The following TKT variants were observed in gnomAD, a reference collection of about 807,000 sequenced individuals.
TKT encodes transketolase, also known as epididymis luminal protein 107.
A neutral mutation model predicts 63.9 loss-of-function variants in TKT; 47 were observed. That is an observed-to-expected ratio of 0.74 (90% CI 0.58 to 0.94). The LOEUF is 0.94. Ranked by LOEUF, TKT falls within the 40% of genes least tolerant of loss-of-function variation. The pLI is 0.00. For missense variants in TKT, 721 were observed against 846.2 expected (o/e 0.85, Z 1.84); for synonymous variants, 338 against 334.1 (o/e 1.01, Z -0.13).
intron 13 of TKT, 108 bp from the exon 14 acceptor site, chr3:53,226,039 G>A (rs1704485350): frequency 1.0e-6 from 1 of 1,004,778 alleles, no homozygotes; most frequent in Non-Finnish European, 1.4e-6. Flanking sequence ...CATATGCACT[G>A]CCTTTCTCCA....
chr3:53,255,130 C>T (rs1219739530), intron 1 of TKT, among the ~76,000 whole-genome samples: 1 of 152,234 alleles, frequency 6.6e-6, no homozygotes, highest in African/African-American at 2.4e-5. Flanking sequence ...CACGTGCCAC[C>T]GCCCTCCTCC....
chr3:53,241,371 G>A (rs1705267660), intron 2 of TKT, 126 bp from the exon 3 acceptor site: 5 of 732,288 alleles, frequency 6.8e-6, no homozygotes, highest in Non-Finnish European at 8.6e-6. Flanking sequence ...TTCAGGGGAG[G>A]AAGCAAGTGA....
chr3:53,228,452 G>C (rs1434901309), intron 10 of TKT, 93 bp from the exon 11 acceptor site: 1 of 1,428,424 alleles, frequency 7.0e-7, no homozygotes, highest in African/African-American at 1.4e-5. Flanking sequence ...CTTCCCATGG[G>C]AGCGTTAGTT....
chr3:53,231,758 T>G, intron 6 of TKT: 1 of 572,654 alleles, frequency 1.7e-6, no homozygotes, highest in East Asian at 2.9e-5. Context: ...CACCACTCAC[T>G]GTCTACTGCC....
intron 6 of TKT, chr3:53,232,076 C>G (rs1177130385): frequency 5.8e-6 from 2 of 342,620 alleles, no homozygotes; most frequent in African/African-American, 4.2e-5. Context: ...CACCCCATGG[C>G]ACCTTGTTGT....
chr3:53,229,383 G>GCTGC lies in TKT; in HGVS notation c.1157_1160dup (p.Ser387ArgfsTer13). On this transcript the variant is annotated frameshift_variant, in exon 9 of 14. Transcript: ENST00000462138. LOFTEE classifies it high-confidence loss of function. ...CCCGCGTGAAGAAGGCTGCAAAAGTGCTGCAGAAGGGCACCGTCCTGTTGC... is the reference window on the plus strand; with the variant it reads ...CCCGCGTGAAGAAGGCTGCAAAAGTGCTGCCTGCAGAAGGGCACCGTCCTGTTGC... The GCTGC allele has an allele frequency of 3.7e-6, 6 of 1,612,912 alleles. No homozygotes were observed. Among genetic ancestry groups the GCTGC allele is most frequent in the Non-Finnish European group, 5.1e-6 (6 of 1,179,476 alleles).
intron 1 of TKT, among the ~76,000 whole-genome samples, chr3:53,255,434 G>C (rs2106742186): frequency 6.6e-6 from 1 of 152,326 alleles, no homozygotes; most frequent in East Asian, 1.9e-4. Flanking sequence ...CACACAGCCA[G>C]GTGGTGGAGA....
intron 1 of TKT, among the ~76,000 whole-genome samples, chr3:53,251,285 T>C (rs144357167): frequency 7.9e-5 from 12 of 152,358 alleles, no homozygotes; most frequent in Non-Finnish European, 1.6e-4. Flanking sequence ...ACTGTTTGGA[T>C]AACACCACAG....
In TKT at chr3:53,242,171, G is replaced by A. The variant is rs782145197; in HGVS notation, c.179C>T (p.Ser60Phe). ...ATTGTGCGGATTCCGGGGGTCCTGG[G>A]ACTTGTAGCGCATGGTGTGGAAAAA... Reference protein sequence around the residue: ...VLFFHTMRYKSQDPRNPHNDR... With the variant: ...VLFFHTMRYKFQDPRNPHNDR... The change falls in exon 2 of 14, where the codon TCC (serine) becomes TTC (phenylalanine). Residue 60 changes from serine (S) to phenylalanine (F), a missense_variant. Coordinates refer to ENST00000462138, the MANE Select transcript of TKT (RefSeq NM_001064.4). 68 of 1,614,062 alleles carry A rather than the reference G, an allele frequency of 4.2e-5. No homozygotes were observed. The highest frequency in any genetic ancestry group is 5.6e-5 in the Non-Finnish European group (66 of 1,180,042).
Position 53,235,082 on chromosome 3 carries a change from T to C in TKT, c.530A>G (p.Asn177Ser), listed in dbSNP as rs1033894205. ...MAFASIYKLD[N>S]LVAILDINRL... ...ATTGATGTCTAGAATGGCCACAAGG[T>C]TGTCCAGCTTATAGATGCTGGCGAA... Residue 177 changes from asparagine to serine, a missense_variant, in exon 5 of 14, where the codon AAC becomes AGC. Asn to Ser is a conservative substitution (Grantham distance 46, BLOSUM62 1). Transcript: ENST00000462138. The C allele has an allele frequency of 6.2e-7, 1 of 1,614,006 alleles. No homozygotes were observed. Among genetic ancestry groups the C allele is most frequent in the African/African-American group, 1.3e-5 (1 of 75,044 alleles).
intron 1 of TKT, among the ~76,000 whole-genome samples, chr3:53,249,076 C>T (rs1363971114): frequency 6.6e-6 from 1 of 151,986 alleles, no homozygotes; most frequent in Non-Finnish European, 1.5e-5. Context: ...AAGCGATTCT[C>T]ATGCCTCAGC....
At position 53,231,549 on chromosome 3, in the gene TKT, C is replaced by T. The variant is rs1553677098; in HGVS notation, c.750G>A (p.Gly250=). 1.1e-5 allele frequency: 17 copies of T among 1,613,092 alleles called. No individual in the cohort carries two copies. The highest frequency in any genetic ancestry group is 2.2e-5 in the South Asian group (2 of 90,940). ...AKTFKGRGIT[G]VEDKESWHGK... ...CATGCCAAGACTCCTTATCTTCTAC[C>T]CCTGCAGACCCAACACGGGAGGACA... The change falls in exon 7 of 14, where the codon GGG becomes GGA. Residue 250 remains glycine, a splice_region_variant and synonymous_variant. Coordinates refer to ENST00000462138, the MANE Select transcript of TKT (RefSeq NM_001064.4).
chr3:53,229,434 C>A lies in TKT; in HGVS notation c.1110G>T (p.Val370=). The part of the protein sequence containing the change: ...IECYIAEQNM[V]SIAVGCATRN... ...GGGTGGCACAGCCCACCGCGATGCT[C>A]ACCTGGGGGCAGGTGGGACAGGGTC... Residue 370 remains valine (V), a splice_region_variant and synonymous_variant, in exon 9 of 14, where the codon GTG becomes GTT. Transcript: ENST00000462138. 1 of 1,602,800 alleles carries A rather than the reference C, an allele frequency of 6.2e-7. No homozygotes were observed. Among genetic ancestry groups the A allele is most frequent in the East Asian group, 2.3e-5 (1 of 44,378 alleles).
intron 4 of TKT, 39 bp from the exon 5 acceptor site, chr3:53,235,213 T>A: frequency 6.5e-7 from 1 of 1,546,422 alleles, no homozygotes; most frequent in South Asian, 1.2e-5. Flanking sequence ...CCCTCTCACC[T>A]GGACCCAGCT....
chr3:53,242,036 G>A (rs9827244), intron 2 of TKT, 89 bp downstream of exon 2: 242,101 of 1,256,000 alleles, frequency 0.19, 26,234 homozygotes, highest in African/African-American at 0.42. Context: ...GCCCAGCCAG[G>A]TCTCCTCAAA....
At chr3:53,253,681 T>C (rs1705856953) in intron 1 of TKT, among the ~76,000 whole-genome samples, 1 of 152,214 alleles carries the variant, frequency 6.6e-6, no homozygotes, top group Admixed American at 6.5e-5. Context: ...GGAGAATCAG[T>C]TGAACCTGGG....
chr3:53,227,933 T>C, intron 12 of TKT, 123 bp downstream of exon 12: 3 of 803,538 alleles, frequency 3.7e-6, no homozygotes, highest in Non-Finnish European at 5.9e-6. Flanking sequence ...TTTAATGAAA[T>C]GAAATGCTTT....
At chr3:53,242,772 G>A (rs1553680192) in intron 1 of TKT, among the ~76,000 whole-genome samples, 1 of 152,116 alleles carries the variant, frequency 6.6e-6, no homozygotes, top group African/African-American at 2.4e-5. Context: ...CAGCACCCAG[G>A]GGTGCTGGGC....
intron 1 of TKT, among the ~76,000 whole-genome samples, chr3:53,255,375 C>T (rs561236329): frequency 1.3e-5 from 2 of 152,326 alleles, no homozygotes; most frequent in East Asian, 3.9e-4. Context: ...CTGACTAACT[C>T]GGAGCCTCCG....
Sources: gnomAD v4.1 joint callset for allele counts (sites outside exome capture counted in the v4.1 genomes callset) on GRCh38, gnomAD v4.1.1 for gene constraint, MANE v1.5 for transcripts, NCBI Gene and HGNC (gene_info 2026-07-23, HGNC 2026-07-21) for gene names.